The following TECRL variants were observed in gnomAD, a reference collection of about 807,000 sequenced individuals.
TECRL encodes trans-2,3-enoyl-CoA reductase-like.
TECRL carries 63 observed loss-of-function variants against 52.8 expected under a neutral mutation model. That is an observed-to-expected ratio of 1.19 (90% CI 0.97 to 1.47). The LOEUF is 1.47. Ranked by LOEUF, TECRL falls within the 40% of genes most tolerant of loss-of-function variation. TECRL has a pLI of 0.00. For synonymous variants in TECRL, 164 were observed against 141.9 expected, an observed-to-expected ratio of 1.16 and a Z score of -1.10; for missense variants, 482 against 429.6, an observed-to-expected ratio of 1.12 and a Z score of -1.08.
intron 2 of TECRL, among the ~76,000 whole-genome samples, chr4:64,347,343 T>G (rs1314340447): frequency 1.3e-5 from 2 of 152,192 alleles, no homozygotes; most frequent in Non-Finnish European, 2.9e-5. Flanking sequence ...GGCATGGGAA[T>G]GTGTCCAGCT....
chr4:64,368,559 G>T (rs766315584), intron 2 of TECRL, among the ~76,000 whole-genome samples: 13 of 152,148 alleles, frequency 8.5e-5, no homozygotes, highest in Non-Finnish European at 1.6e-4. Context: ...CTCCGAAAGT[G>T]CTGGGATTAC....
intron 9 of TECRL, among the ~76,000 whole-genome samples, chr4:64,289,453 T>A (rs1430411520): frequency 3.9e-5 from 6 of 152,178 alleles, no homozygotes; most frequent in Non-Finnish European, 7.3e-5. Flanking sequence ...TTTATTTACA[T>A]ATTTAAGTGA....
intron 2 of TECRL, among the ~76,000 whole-genome samples, chr4:64,365,387 A>G (rs1721523568): frequency 6.6e-6 from 1 of 152,120 alleles, no homozygotes; most frequent in Admixed American, 6.6e-5. Flanking sequence ...AGCCAGAGCA[A>G]TTAGGCAAAA....
In TECRL at chr4:64,345,923, A is replaced by AAAAAAAAAAAAAAAAAAAAAAAAAAG. The variant is rs1560516713; in HGVS notation, c.287-17368_287-17367insCTTTTTTTTTTTTTTTTTTTTTTTTT. On this transcript the variant is annotated intron_variant, in intron 2 of 11. Coordinates refer to ENST00000381210, the MANE Select transcript of TECRL (RefSeq NM_001010874.5). The stretch of plus-strand genomic sequence containing the variant: ...CCTCAACAGCAAAAAAAAAAAAAAA[A>AAAAAAAAAAAAAAAAAAAAAAAAAAG]AAAAAAAACATTTATCATATCCCTC... Among the ~76,000 whole-genome samples the AAAAAAAAAAAAAAAAAAAAAAAAAAG allele has an allele frequency of 1.4e-5, 2 of 145,128 alleles. 1 individual carries two copies. Among genetic ancestry groups the AAAAAAAAAAAAAAAAAAAAAAAAAAG allele is most frequent in the Non-Finnish European group, 3.0e-5 (2 of 66,572 alleles).
intron 2 of TECRL, among the ~76,000 whole-genome samples, chr4:64,367,411 T>G (rs976427731): frequency 6.6e-6 from 1 of 152,118 alleles, no homozygotes; most frequent in African/African-American, 2.4e-5. Flanking sequence ...TAAAATAAAA[T>G]TCTTATAATT....
At chr4:64,305,109 T>A in intron 7 of TECRL, 57 bp downstream of exon 7, 1 of 1,250,750 alleles carries the variant, frequency 8.0e-7, no homozygotes, top group East Asian at 2.4e-5. Context: ...TCATTTAGAA[T>A]AGAGTTTTTA....
At chr4:64,385,702 A>G (rs569976357) in intron 1 of TECRL, among the ~76,000 whole-genome samples, 1 of 152,264 alleles carries the variant, frequency 6.6e-6, no homozygotes, top group African/African-American at 2.4e-5. Context: ...GCAGTGCAGC[A>G]GCTAATTTGA....
intron 9 of TECRL, among the ~76,000 whole-genome samples, chr4:64,288,763 G>T (rs927775530): frequency 6.6e-6 from 1 of 152,100 alleles, no homozygotes; most frequent in African/African-American, 2.4e-5. Flanking sequence ...CAGTATATTT[G>T]AGAAATATGT....
At chr4:64,406,816 T>A (rs10001163) in intron 1 of TECRL, among the ~76,000 whole-genome samples, 92,180 of 151,730 alleles carry the variant, frequency 0.61, 30,464 homozygotes, top group Non-Finnish European at 0.74. Context: ...ATAGTAAGTA[T>A]TGAAAGACGG....
intron 2 of TECRL, among the ~76,000 whole-genome samples, chr4:64,359,831 A>G: frequency 6.6e-6 from 1 of 152,246 alleles, no homozygotes. Context: ...ATATATAGCA[A>G]TATAAATTTG....
At position 64,295,796 on chromosome 4, in the gene TECRL, A is replaced by G. The variant is rs538691375; in HGVS notation, c.774+4178T>C. Among the ~76,000 whole-genome samples the G allele has an allele frequency of 3.3e-5, 5 of 152,092 alleles. No individual in the cohort carries two copies. The East Asian group carries it at 9.7e-4, about 29-fold the overall frequency. On this transcript the variant is annotated intron_variant, in intron 8 of 11. Transcript: ENST00000381210. ...GTTTGGAGTAAGTTAGTCGTAGCTCAAAATAGACAATTATTATAAATTATA... is the reference window on the plus strand; with the variant it reads ...GTTTGGAGTAAGTTAGTCGTAGCTCGAAATAGACAATTATTATAAATTATA...
At chr4:64,310,242 A>T (rs1305843630) in intron 5 of TECRL, among the ~76,000 whole-genome samples, 2 of 152,202 alleles carry the variant, frequency 1.3e-5, no homozygotes, top group African/African-American at 4.8e-5. Flanking sequence ...AATTGCAAAT[A>T]TGTTCATATC....
intron 3 of TECRL, among the ~76,000 whole-genome samples, chr4:64,324,158 T>C (rs1255858525): frequency 6.6e-6 from 1 of 152,102 alleles, no homozygotes; most frequent in Non-Finnish European, 1.5e-5. Flanking sequence ...TTGACTCCAT[T>C]CTTAAAAATA....
rs1294695312 is a variant in TECRL at position 64,278,046 on chromosome 4, G to A, written c.*2026C>T. ...ATCCATTTGAAATATGCATATATTTGTGTATGTGTATATATATGTGTATAT... is the reference window on the plus strand; with the variant it reads ...ATCCATTTGAAATATGCATATATTTATGTATGTGTATATATATGTGTATAT... On this transcript the variant is annotated 3_prime_UTR_variant, in exon 12 of 12. Transcript: ENST00000381210. 6.6e-6 allele frequency: 1 copy of A among 151,376 alleles called. No individual in the cohort carries two copies. The highest frequency in any genetic ancestry group is 6.6e-5 in the Admixed American group (1 of 15,170). 9.4% of individuals were successfully genotyped at this position (151,376 alleles called of 1,614,324 possible). A position where few individuals can be genotyped will look rare whatever the true frequency, so the allele number is the denominator to read the frequency against.
chr4:64,319,492 G>T (rs1388466663), intron 4 of TECRL, among the ~76,000 whole-genome samples: 1 of 151,762 alleles, frequency 6.6e-6, no homozygotes, highest in African/African-American at 2.4e-5. Context: ...TCAGTGAAAA[G>T]TTCTGCTAAG....
intron 3 of TECRL, 25 bp from the exon 4 acceptor site, chr4:64,322,817 T>G: frequency 6.6e-7 from 1 of 1,512,588 alleles, no homozygotes. Context: ...ACAAGAAAAT[T>G]TTATTTTAAT....
chr4:64,403,993 A>G (rs1160815303), intron 1 of TECRL, among the ~76,000 whole-genome samples: 1 of 152,114 alleles, frequency 6.6e-6, no homozygotes, highest in Non-Finnish European at 1.5e-5. Context: ...TAAATATGCT[A>G]AGTATCATGT....
At chr4:64,298,418 TG>T (rs1398050090) in intron 8 of TECRL, among the ~76,000 whole-genome samples, 1 of 151,116 alleles carries the variant, frequency 6.6e-6, no homozygotes, top group Non-Finnish European at 1.5e-5. Context: ...TTTAAGTCTC[TG>T]GGGAAAAAAA....
At chr4:64,325,595 T>G (rs111540300) in intron 3 of TECRL, among the ~76,000 whole-genome samples, 1 of 152,146 alleles carries the variant, frequency 6.6e-6, no homozygotes, top group African/African-American at 2.4e-5. Context: ...TTTCACAATA[T>G]GGATCAAGGT....
Sources: gnomAD v4.1 joint callset for allele counts (sites outside exome capture counted in the v4.1 genomes callset) on GRCh38, gnomAD v4.1.1 for gene constraint, MANE v1.5 for transcripts, NCBI Gene and HGNC (gene_info 2026-07-23, HGNC 2026-07-21) for gene names.